Variants in DAB2IP observed in about 807,000 individuals in gnomAD.
The protein encoded by DAB2IP is DAB2 interacting protein.
In DAB2IP, 28 loss-of-function variants were observed where a neutral mutation model predicts 107.2. The ratio of observed to expected loss-of-function variants is 0.26; its 90% confidence interval spans 0.19 to 0.36. The LOEUF is 0.36. Ranked by LOEUF, DAB2IP falls within the 10% of genes least tolerant of loss-of-function variation. DAB2IP has a pLI of 1.00. For synonymous variants in DAB2IP, 755 were observed against 706.4 expected (o/e 1.07, Z -1.09); for missense variants, 1,400 against 1,644.7 (o/e 0.85, Z 2.57).
chr9:121,598,070 G>C (rs1483225035), intron 1 of DAB2IP, among the ~76,000 whole-genome samples: 2 of 152,232 alleles, frequency 1.3e-5, no homozygotes, highest in Admixed American at 1.3e-4. Context: ...CCAGGTTTCA[G>C]AGCCAATTTA....
At chr9:121,660,131 A>C (rs372131689) in intron 1 of DAB2IP, among the ~76,000 whole-genome samples, 7 of 152,140 alleles carry the variant, frequency 4.6e-5, no homozygotes, top group Admixed American at 3.9e-4. Context: ...ACTGGGAATC[A>C]AAGGAAGGAT....
At position 121,756,347 on chromosome 9, in the gene DAB2IP, C is replaced by T. The variant is rs888286728; in HGVS notation, c.363-666C>T. ...AGCCCTGTGCTCTTTGTGCCTGTGT[C>T]GGAGCCACTGACCTGGGCCCTGAGT... On this transcript the variant is annotated intron_variant, in intron 3 of 15. Coordinates refer to ENST00000408936, the Ensembl canonical transcript of DAB2IP. Among the ~76,000 whole-genome samples, 9 of 152,284 alleles carry T rather than the reference C, an allele frequency of 5.9e-5. No homozygotes were observed. In the South Asian group the frequency reaches 6.2e-4, roughly 11 times the overall value.
chr9:121,609,982 A>C (rs1223833219), intron 1 of DAB2IP, among the ~76,000 whole-genome samples: 1 of 152,160 alleles, frequency 6.6e-6, no homozygotes. Context: ...CAGGGATGAG[A>C]TCACTACTCA....
chr9:121,620,192 G>A (rs551663590), intron 1 of DAB2IP, among the ~76,000 whole-genome samples: 17 of 152,278 alleles, frequency 1.1e-4, no homozygotes, highest in South Asian at 2.1e-4. Flanking sequence ...TCCGACTCCT[G>A]CTGCCTGGGC....
At chr9:121,638,420 G>A (rs572789645) in intron 1 of DAB2IP, among the ~76,000 whole-genome samples, 1 of 152,206 alleles carries the variant, frequency 6.6e-6, no homozygotes. Context: ...CTGGGATACC[G>A]AGAGACGCCT....
chr9:121,743,793 C>T (rs983672865), intron 3 of DAB2IP, among the ~76,000 whole-genome samples: 3 of 152,188 alleles, frequency 2.0e-5, no homozygotes, highest in Admixed American at 6.5e-5. Context: ...CCAGGGAGAC[C>T]TGAATGAGCT....
chr9:121,726,876 C>G (rs753230585), intron 3 of DAB2IP, among the ~76,000 whole-genome samples: 3 of 152,162 alleles, frequency 2.0e-5, no homozygotes, highest in Non-Finnish European at 2.9e-5. Context: ...GTCTCTTTCC[C>G]CACCCTACTC....
intron 3 of DAB2IP, among the ~76,000 whole-genome samples, chr9:121,752,230 T>A (rs1833168724): frequency 6.6e-6 from 1 of 152,126 alleles, no homozygotes; most frequent in African/African-American, 2.4e-5. Context: ...GCAGCTGCCC[T>A]GACGACCCAC....
intron 1 of DAB2IP, among the ~76,000 whole-genome samples, chr9:121,615,773 C>T (rs1436606865): frequency 2.0e-5 from 3 of 151,920 alleles, no homozygotes; most frequent in South Asian, 4.2e-4. Context: ...ATTACAGGTG[C>T]GCACCACCAT....
At chr9:121,607,672 C>T (rs1040586375) in intron 1 of DAB2IP, among the ~76,000 whole-genome samples, 1 of 152,160 alleles carries the variant, frequency 6.6e-6, no homozygotes, top group South Asian at 2.1e-4. Context: ...TCTGTCTCTG[C>T]CCCTGCCCCT....
chr9:121,657,905 C>G (rs1405410976), intron 1 of DAB2IP, among the ~76,000 whole-genome samples: 7 of 152,188 alleles, frequency 4.6e-5, no homozygotes, highest in Non-Finnish European at 8.8e-5. Flanking sequence ...CCCTTGACAA[C>G]TGGGGAAACT....
intron 1 of DAB2IP, among the ~76,000 whole-genome samples, chr9:121,638,100 G>A (rs1281259645): frequency 6.6e-6 from 1 of 152,174 alleles, no homozygotes; most frequent in Non-Finnish European, 1.5e-5. Flanking sequence ...ACAGATGTGA[G>A]ATGAATCATC....
chr9:121,734,676 C>T (rs1831769437), intron 3 of DAB2IP, among the ~76,000 whole-genome samples: 2 of 152,202 alleles, frequency 1.3e-5, no homozygotes, highest in African/African-American at 4.8e-5. Flanking sequence ...GGGGATGCTT[C>T]TTGCCTGAGG....
chr9:121,703,999 A>G (rs1357150333), intron 3 of DAB2IP, among the ~76,000 whole-genome samples: 3 of 152,174 alleles, frequency 2.0e-5, no homozygotes, highest in South Asian at 4.1e-4. Flanking sequence ...CAAAGCTCTC[A>G]TGTGTGTTTT....
intron 3 of DAB2IP, among the ~76,000 whole-genome samples, chr9:121,731,123 G>T (rs1831511920): frequency 6.6e-6 from 1 of 152,318 alleles, no homozygotes; most frequent in South Asian, 2.1e-4. Flanking sequence ...TGGGCCTACA[G>T]CCTGTTATAT....
In DAB2IP at chr9:121,760,026, A is replaced by G. The variant is rs542505002; in HGVS notation, c.757A>G (p.Asn253Asp). ...CACCACGGGCAAGCTCAAGACGGAC[A>G]ATGTTTTCTGGGGCGAGCACTTCGA... is the stretch of plus-strand genomic sequence containing the variant. The change falls in exon 6 of 16, where the codon AAT (asparagine) becomes GAT (aspartate). Residue 253 changes from asparagine to aspartate, a missense_variant. Transcript: ENST00000408936. The surrounding 1 kb of genome is among the most constrained non-coding windows in gnomAD (Gnocchi z 5.9). 1.2e-6 allele frequency: 2 copies of G among 1,614,104 alleles called. No homozygotes were observed. Among genetic ancestry groups the G allele is most frequent in the Non-Finnish European group, 1.7e-6 (2 of 1,180,036 alleles).
At chr9:121,590,276 T>C (rs1377979695) in intron 1 of DAB2IP, among the ~76,000 whole-genome samples, 1 of 150,464 alleles carries the variant, frequency 6.6e-6, no homozygotes, top group East Asian at 1.9e-4. Context: ...TTTCTCCTTC[T>C]GGCCCCTCCT....
exon 16 of DAB2IP, chr9:121,784,649 G>A (rs1835880111): frequency 1.3e-5 from 2 of 154,896 alleles, no homozygotes; most frequent in Non-Finnish European, 2.9e-5. Flanking sequence ...TCACCTAATG[G>A]TTGTACATAT....
chr9:121,605,860 G>T (rs1404054774), intron 1 of DAB2IP, among the ~76,000 whole-genome samples: 1 of 152,188 alleles, frequency 6.6e-6, no homozygotes, highest in African/African-American at 2.4e-5. Context: ...GCCTGTGGGG[G>T]TTATTGGGAT....
Sources: gnomAD v4.1 joint callset for allele counts (sites outside exome capture counted in the v4.1 genomes callset) on GRCh38, gnomAD v4.1.1 for gene constraint, Gnocchi (gnomAD v3.1) non-coding constraint, MANE v1.5 for transcripts, NCBI Gene and HGNC (gene_info 2026-07-23, HGNC 2026-07-21) for gene names.